The following IQGAP2 variants were observed in gnomAD, a reference collection of about 807,000 sequenced individuals.
IQGAP2 encodes IQ motif containing GTPase activating protein 2.
A neutral mutation model predicts 201.3 loss-of-function variants in IQGAP2; 173 were observed. The observed-to-expected ratio is 0.86, with a 90% confidence interval of 0.76 to 0.98. IQGAP2 has a LOEUF of 0.98. Ranked by LOEUF, IQGAP2 falls within the 50% of genes least tolerant of loss-of-function variation. The pLI, the probability that IQGAP2 is intolerant of heterozygous loss-of-function variation, is 0.00. For synonymous variants in IQGAP2, 675 were observed against 673.9 expected (o/e 1.00, Z -0.03); for missense variants, 1,687 against 1,864.8 (o/e 0.90, Z 1.76).
intron 2 of IQGAP2, among the ~76,000 whole-genome samples, chr5:76,480,453 G>A (rs181631047): frequency 1.2e-4 from 19 of 152,254 alleles, no homozygotes; most frequent in Admixed American, 2.6e-4. Flanking sequence ...TGAACCCAGA[G>A]CTTATCTTTT....
chr5:76,414,262 C>G (rs911701865), intron 1 of IQGAP2, among the ~76,000 whole-genome samples: 1 of 152,140 alleles, frequency 6.6e-6, no homozygotes, highest in Non-Finnish European at 1.5e-5. Flanking sequence ...GCAGGCTTCT[C>G]AGGGTGGGAT....
chr5:76,611,517 G>A (rs1748412057), intron 13 of IQGAP2, among the ~76,000 whole-genome samples: 1 of 152,192 alleles, frequency 6.6e-6, no homozygotes, highest in African/African-American at 2.4e-5. Flanking sequence ...TGGGGATACA[G>A]AGGGACACAT....
At chr5:76,538,174 G>A (rs764228264) in intron 2 of IQGAP2, among the ~76,000 whole-genome samples, 17 of 152,144 alleles carry the variant, frequency 1.1e-4, no homozygotes, top group Non-Finnish European at 2.2e-4. Context: ...ACTTGTTCAG[G>A]GGAACTCCTC....
At chr5:76,537,784 G>A (rs1400245730) in intron 2 of IQGAP2, among the ~76,000 whole-genome samples, 2 of 152,186 alleles carry the variant, frequency 1.3e-5, no homozygotes, top group East Asian at 3.8e-4. Flanking sequence ...ATGCAGGTCT[G>A]TGTGATGGGC....
intron 1 of IQGAP2, among the ~76,000 whole-genome samples, chr5:76,414,084 G>A (rs890149368): frequency 2.0e-5 from 3 of 152,288 alleles, no homozygotes; most frequent in African/African-American, 4.8e-5. Context: ...AACCTGGGCC[G>A]CAACTCACGT....
Position 76,625,047 on chromosome 5 carries a change from C to T in IQGAP2, c.1522-2363C>T, listed in dbSNP as rs115002596. ...AAGCCTGGGTGACAGAGCAACACTC[C>T]ATCTCAAAAATAAAATAAATAAGAA... On this transcript the variant is annotated intron_variant, in intron 13 of 35. Coordinates refer to ENST00000274364, the MANE Select transcript of IQGAP2 (RefSeq NM_006633.5). Among the ~76,000 whole-genome samples the T allele has an allele frequency of 9.2e-3, 1,399 of 152,210 alleles. 17 individuals carry two copies. Among genetic ancestry groups the T allele is most frequent in the African/African-American group, 0.032 (1,312 of 41,524 alleles).
intron 1 of IQGAP2, among the ~76,000 whole-genome samples, chr5:76,459,575 A>C (rs1377871348): frequency 1.3e-5 from 2 of 152,218 alleles, no homozygotes; most frequent in East Asian, 3.9e-4. Flanking sequence ...AGAACAGTAG[A>C]GATGGAGGAT....
At chr5:76,459,498 A>T (rs920129605) in intron 1 of IQGAP2, among the ~76,000 whole-genome samples, 1 of 152,192 alleles carries the variant, frequency 6.6e-6, no homozygotes, top group African/African-American at 2.4e-5. Flanking sequence ...CAGAAATGGG[A>T]AAGTCTTTAA....
intron 5 of IQGAP2, among the ~76,000 whole-genome samples, chr5:76,581,126 G>A (rs1262427338): frequency 6.6e-6 from 1 of 152,178 alleles, no homozygotes; most frequent in African/African-American, 2.4e-5. Context: ...AGGTACTCTG[G>A]GAGCTTTGTG....
At chr5:76,531,822 A>G (rs1263333623) in intron 2 of IQGAP2, among the ~76,000 whole-genome samples, 9 of 152,228 alleles carry the variant, frequency 5.9e-5, no homozygotes, top group Admixed American at 5.9e-4. Flanking sequence ...TGCTATAACA[A>G]AATGTCATAA....
Position 76,590,385 on chromosome 5 carries a change from C to T in IQGAP2, c.641-23C>T, listed in dbSNP as rs76268065. On this transcript the variant is annotated intron_variant, in intron 7 of 35. Transcript: ENST00000274364. ...GTCTTTTGCTGATAAAAACCTTTTT[C>T]TCTCTCTCTCTTTACTTTTTAGTAC... 2.2e-3 allele frequency: 3,249 copies of T among 1,485,110 alleles called. 57 individuals are homozygous for T. The African/African-American group carries it at 0.04, about 18-fold the overall frequency. 92.0% of individuals were successfully genotyped at this position (1,485,110 alleles called of 1,614,324 possible).
At chr5:76,564,813 G>A (rs1305209010) in intron 3 of IQGAP2, among the ~76,000 whole-genome samples, 2 of 152,202 alleles carry the variant, frequency 1.3e-5, no homozygotes. Flanking sequence ...AAGGCCGGGT[G>A]GCACAGAGGT....
intron 2 of IQGAP2, among the ~76,000 whole-genome samples, chr5:76,505,531 A>T (rs544227158): frequency 2.0e-5 from 3 of 152,156 alleles, no homozygotes; most frequent in Non-Finnish European, 4.4e-5. Flanking sequence ...CATTTTACCG[A>T]TGCTAATTTC....
chr5:76,521,783 A>G (rs1758697719), intron 2 of IQGAP2, among the ~76,000 whole-genome samples: 1 of 152,192 alleles, frequency 6.6e-6, no homozygotes, highest in South Asian at 2.1e-4. Flanking sequence ...TAGAACACAG[A>G]TGATTGTGTA....
chr5:76,476,640 A>G (rs1755449507), intron 2 of IQGAP2, among the ~76,000 whole-genome samples: 1 of 152,184 alleles, frequency 6.6e-6, no homozygotes, highest in African/African-American at 2.4e-5. Context: ...AGATGACTTT[A>G]TATGAGTTCT....
chr5:76,550,831 A>T (rs1198977906), intron 2 of IQGAP2, among the ~76,000 whole-genome samples: 1 of 152,206 alleles, frequency 6.6e-6, no homozygotes, highest in Non-Finnish European at 1.5e-5. Context: ...CAAAACCGCC[A>T]TCGTCATCAT....
intron 9 of IQGAP2, among the ~76,000 whole-genome samples, chr5:76,595,445 TA>T (rs1320004852): frequency 6.8e-6 from 1 of 146,938 alleles, no homozygotes; most frequent in East Asian, 2.0e-4. Context: ...CTTATTTTTT[TA>T]GAAGAAATTG....
rs752619909 is a variant in IQGAP2 at position 76,693,358 on chromosome 5, C to G, written c.3909C>G (p.Thr1303=). Residue 1303 remains threonine, a synonymous_variant, in exon 31 of 36, where the codon ACC becomes ACG. Coordinates refer to ENST00000274364, the MANE Select transcript of IQGAP2 (RefSeq NM_006633.5). ...AIDSRSLMIK[T]KKLIIDVIRN... is the part of the protein sequence containing the mutation. ...TCTCTTTCTCTGGTTTGTTAAGGAC[C>G]AAGAAGCTGATAATTGATGTGATCC... The G allele has an allele frequency of 1.9e-6, 3 of 1,611,520 alleles. No individual in the cohort carries two copies. Among genetic ancestry groups the G allele is most frequent in the South Asian group, 2.2e-5 (2 of 90,696 alleles).
intron 3 of IQGAP2, among the ~76,000 whole-genome samples, chr5:76,565,907 A>C (rs1255278376): frequency 6.6e-6 from 1 of 152,176 alleles, no homozygotes; most frequent in East Asian, 1.9e-4. Flanking sequence ...TGAGTCAGGC[A>C]GCATCTCTTG....
Sources: allele counts gnomAD v4.1 joint callset (sites outside exome capture counted in the v4.1 genomes callset), GRCh38; gene constraint gnomAD v4.1.1; transcripts MANE v1.5; gene names NCBI Gene and HGNC (gene_info 2026-07-23, HGNC 2026-07-21).